GRIP1: variants seen among roughly 807,000 people sequenced by gnomAD.
GRIP1 encodes glutamate receptor-interacting protein 1.
In GRIP1, 45 loss-of-function variants were observed where a neutral mutation model predicts 129.9. The observed-to-expected ratio is 0.35, with a 90% confidence interval of 0.27 to 0.44. The LOEUF (loss-of-function observed/expected upper bound fraction) is 0.44, where lower values mean the gene tolerates loss of function less well. Among genes scored for constraint, GRIP1 ranks in the 20% least tolerant of loss-of-function variants. The pLI is 1.00. For missense variants in GRIP1, 1,196 were observed against 1,396.8 expected (o/e 0.86, Z 2.29); for synonymous variants, 530 against 520.8 (o/e 1.02, Z -0.24).
intron 1 of GRIP1, among the ~76,000 whole-genome samples, chr12:66,971,450 A>C (rs900696049): frequency 6.6e-5 from 10 of 152,206 alleles, no homozygotes; most frequent in African/African-American, 2.4e-4. Flanking sequence ...CTTAAGGAGA[A>C]TAATAGCATG....
rs187563933 is a variant in GRIP1, at chr12:66,402,477, C to T, written c.1984+3806G>A. On this transcript the variant is annotated intron_variant, in intron 16 of 24. Coordinates refer to ENST00000359742, the MANE Select transcript of GRIP1 (RefSeq NM_001366722.1). ...TTGGGTAAGGTACACAGCAGGGTAG[C>T]GAGACTTGGGAAGCTGGAAGAAATG... Among the ~76,000 whole-genome samples, 408 of 152,264 alleles carry T rather than the reference C, an allele frequency of 2.7e-3. 2 individuals are homozygous for T. Among genetic ancestry groups the T allele is most frequent in the Non-Finnish European group, 1.8e-3 (125 of 68,020 alleles).
intron 19 of GRIP1, among the ~76,000 whole-genome samples, chr12:66,382,918 G>A (rs1223342281): frequency 1.3e-5 from 2 of 152,112 alleles, no homozygotes; most frequent in African/African-American, 4.8e-5. Context: ...ATTAGAAGGT[G>A]GGTCATGAAG....
At chr12:66,821,864 G>A (rs867389846) in intron 1 of GRIP1, among the ~76,000 whole-genome samples, 6 of 152,202 alleles carry the variant, frequency 3.9e-5, no homozygotes, top group Middle Eastern at 3.4e-3. Flanking sequence ...GCCCTACTGC[G>A]ATCAAGTCAT....
chr12:66,769,509 A>G (rs1749980868), intron 1 of GRIP1, among the ~76,000 whole-genome samples: 1 of 152,124 alleles, frequency 6.6e-6, no homozygotes, highest in Non-Finnish European at 1.5e-5. Context: ...AGAAACAGCG[A>G]ATTCCCTGTG....
intron 19 of GRIP1, among the ~76,000 whole-genome samples, chr12:66,379,838 C>A (rs2056018230): frequency 6.6e-6 from 1 of 152,130 alleles, no homozygotes; most frequent in African/African-American, 2.4e-5. Context: ...GTTAGTGCTC[C>A]CTTCTCATTT....
intron 2 of GRIP1, among the ~76,000 whole-genome samples, chr12:66,555,591 C>T (rs1239865698): frequency 6.6e-6 from 1 of 151,978 alleles, no homozygotes; most frequent in Non-Finnish European, 1.5e-5. Flanking sequence ...GGACCAAACC[C>T]AGAGAAATAG....
intron 13 of GRIP1, among the ~76,000 whole-genome samples, chr12:66,440,034 TA>T (rs1189152460): frequency 6.6e-6 from 1 of 152,240 alleles, no homozygotes. Context: ...TTTGCTATTC[TA>T]AATCTTCATT....
chr12:66,833,825 C>CA (rs2039561162), intron 1 of GRIP1, among the ~76,000 whole-genome samples: 1 of 151,896 alleles, frequency 6.6e-6, no homozygotes, highest in South Asian at 2.1e-4. Flanking sequence ...ATAGATAAGA[C>CA]AAAATATATC....
At chr12:66,824,774 G>A (rs755916412) in intron 1 of GRIP1, among the ~76,000 whole-genome samples, 1 of 152,068 alleles carries the variant, frequency 6.6e-6, no homozygotes, top group Non-Finnish European at 1.5e-5. Flanking sequence ...GAACAAAAAT[G>A]AATACTATAT....
intron 2 of GRIP1, among the ~76,000 whole-genome samples, chr12:66,594,995 T>A (rs968100449): frequency 1.3e-5 from 2 of 152,248 alleles, no homozygotes; most frequent in Non-Finnish European, 2.9e-5. Flanking sequence ...TATTAAGTAA[T>A]AATCTACTGT....
In GRIP1 at chr12:66,539,185, A is replaced by G. The variant is rs1317422135; in HGVS notation, c.311T>C (p.Val104Ala). The G allele has an allele frequency of 2.5e-6, 4 of 1,613,994 alleles. No homozygotes were observed. Among genetic ancestry groups the G allele is most frequent in the Non-Finnish European group, 3.4e-6 (4 of 1,179,920 alleles). Reference sequence around the variant, plus strand: ...GAATTTGGCCAGGTTGATTCCATTCACTGCTTTGATGTAGTCACCCACATC... The same window carrying G: ...GAATTTGGCCAGGTTGATTCCATTCGCTGCTTTGATGTAGTCACCCACATC... ...QLDVGDYIKA[V>A]NGINLAKFRH... is the part of the protein sequence containing the mutation. Residue 104 changes from valine to alanine, a missense_variant, in exon 4 of 25, where the codon GTG (valine) becomes GCG (alanine). Val to Ala is a moderately conservative substitution (Grantham distance 64). Around this residue, in one of 5 missense-constraint regions of GRIP1, gnomAD observed 217 missense variants for 224.8 expected, o/e 0.97. Transcript: ENST00000359742.
chr12:67,020,813 A>G (rs1322977968), intron 1 of GRIP1, among the ~76,000 whole-genome samples: 1 of 152,166 alleles, frequency 6.6e-6, no homozygotes, highest in Non-Finnish European at 1.5e-5. Context: ...AAAATATATA[A>G]TCTGGGCCCA....
chr12:66,385,171 T>A (rs1238553496), intron 19 of GRIP1, among the ~76,000 whole-genome samples: 1 of 152,188 alleles, frequency 6.6e-6, no homozygotes, highest in Non-Finnish European at 1.5e-5. Flanking sequence ...GGAAACTACA[T>A]TTTAAATTAA....
chr12:66,350,751 T>A (rs1206332025), intron 24 of GRIP1, among the ~76,000 whole-genome samples: 1 of 152,184 alleles, frequency 6.6e-6, no homozygotes, highest in African/African-American at 2.4e-5. Flanking sequence ...TGTCTTATCT[T>A]ACCTACCCCT....
At position 66,455,428 on chromosome 12, in the gene GRIP1, C is replaced by A. The variant is rs2138232148; in HGVS notation, c.1335G>T (p.Lys445Asn). The part of the protein sequence containing the change: ...RGTMMRRRLK[K>N]KDFKSSLSLA... ...ACTTACATGAGCTTTTGAAGTCTTT[C>A]TTTTTCAGTCTCCTCCTCATCATGG... The change falls in exon 11 of 25, where the codon AAG becomes AAT. Residue 445 changes from lysine to asparagine, a missense_variant. This residue lies in a region of GRIP1 where 508 missense variants were observed against 587.0 expected (regional missense o/e 0.87). Coordinates refer to ENST00000359742, the MANE Select transcript of GRIP1 (RefSeq NM_001366722.1). 6.2e-7 allele frequency: 1 copy of A among 1,614,178 alleles called. No individual in the cohort carries two copies. The highest frequency in any genetic ancestry group is 2.2e-5 in the East Asian group (1 of 44,884).
intron 1 of GRIP1, among the ~76,000 whole-genome samples, chr12:66,951,327 G>C (rs868605937): frequency 6.6e-6 from 1 of 152,150 alleles, no homozygotes; most frequent in African/African-American, 2.4e-5. Context: ...TTAACTAAGC[G>C]GAGTGAAGTA....
rs553013630 is a variant in GRIP1 at position 66,575,331 on chromosome 12, C to A, written c.136+21516G>T. Among the ~76,000 whole-genome samples the A allele has an allele frequency of 2.0e-5, 3 of 152,156 alleles. No individual in the cohort carries two copies. In the East Asian group the frequency reaches 5.8e-4, roughly 29 times the overall value. On this transcript the variant is annotated intron_variant, in intron 2 of 24. Coordinates refer to ENST00000359742, the MANE Select transcript of GRIP1 (RefSeq NM_001366722.1). ...TGTGAGTATTATTAAAGGATATATTCCCAGAAATATTGGGAAAAACATACA... is the reference window on the plus strand; with the variant it reads ...TGTGAGTATTATTAAAGGATATATTACCAGAAATATTGGGAAAAACATACA...
In GRIP1 at chr12:66,368,040, G is replaced by T. The variant is rs140012096; in HGVS notation, c.3012+3654C>A. ...GAGCCTCAGATGCAGCAGATGATGAGAAGTGAGTGAAAACCCTTTAGATTC... is the reference window on the plus strand; with the variant it reads ...GAGCCTCAGATGCAGCAGATGATGATAAGTGAGTGAAAACCCTTTAGATTC... On this transcript the variant is annotated intron_variant, in intron 23 of 24. Coordinates refer to ENST00000359742, the MANE Select transcript of GRIP1 (RefSeq NM_001366722.1). Among the ~76,000 whole-genome samples the T allele has an allele frequency of 3.5e-4, 53 of 152,320 alleles. No homozygotes were observed. In the Middle Eastern group the frequency reaches 0.02, roughly 59 times the overall value.
chr12:66,382,946 G>T (rs2056183292), intron 19 of GRIP1, among the ~76,000 whole-genome samples: 1 of 152,112 alleles, frequency 6.6e-6, no homozygotes, highest in South Asian at 2.1e-4. Context: ...AAGGAAAAAT[G>T]ACATATAAGC....
Sources: allele counts gnomAD v4.1 joint callset (sites outside exome capture counted in the v4.1 genomes callset), GRCh38; gene constraint gnomAD v4.1.1; regional missense constraint gnomAD v4.1.1; transcripts MANE v1.5; gene names NCBI Gene and HGNC (gene_info 2026-07-23, HGNC 2026-07-21).